DNM3: variants seen among roughly 807,000 people sequenced by gnomAD.
DNM3 encodes dynamin 3.
Under a neutral mutation model 101.6 loss-of-function variants are expected in DNM3, and 47 were observed. The observed-to-expected ratio is 0.46, with a 90% CI of 0.37 to 0.59. The LOEUF (loss-of-function observed/expected upper bound fraction) is 0.59, where lower values mean the gene tolerates loss of function less well. DNM3 is among the 20% of genes least tolerant of loss of function. DNM3 has a pLI of 0.00. For missense variants in DNM3, 849 were observed against 1,085.7 expected (o/e 0.78, Z 3.06); for synonymous variants, 385 against 387.9 (o/e 0.99, Z 0.09).
chr1:172,096,201 T>A (rs534963348), intron 13 of DNM3, among the ~76,000 whole-genome samples: 4 of 152,362 alleles, frequency 2.6e-5, no homozygotes, highest in Non-Finnish European at 4.4e-5. Context: ...ATCTATTACA[T>A]TTTATTATTT....
intron 1 of DNM3, among the ~76,000 whole-genome samples, chr1:171,916,175 G>A (rs1160245939): frequency 6.6e-6 from 1 of 152,200 alleles, no homozygotes; most frequent in Non-Finnish European, 1.5e-5. Context: ...AGATGCTAGA[G>A]TTAGACTCCC....
At chr1:171,984,332 A>G (rs141076720) in intron 2 of DNM3, among the ~76,000 whole-genome samples, 1 of 152,258 alleles carries the variant, frequency 6.6e-6, no homozygotes, top group African/African-American at 2.4e-5. Context: ...CAAAGTCCTT[A>G]AAATGGTCCA....
intron 14 of DNM3, among the ~76,000 whole-genome samples, chr1:172,149,725 C>G (rs527392287): frequency 6.6e-6 from 1 of 152,074 alleles, no homozygotes; most frequent in Non-Finnish European, 1.5e-5. Flanking sequence ...TTTGGCATCA[C>G]CAGTATTTTA....
chr1:172,140,137 A>G (rs1194347885), intron 14 of DNM3: 3 of 152,056 alleles, frequency 2.0e-5, no homozygotes, highest in African/African-American at 7.2e-5. Flanking sequence ...ACTTAATGGA[A>G]AGCAAAATAG....
At chr1:171,926,237 C>A (rs2040562587) in intron 2 of DNM3, among the ~76,000 whole-genome samples, 1 of 151,782 alleles carries the variant, frequency 6.6e-6, no homozygotes, top group South Asian at 2.2e-4. Flanking sequence ...ATTGTTTTTT[C>A]TAATTCTGTG....
chr1:172,146,527 C>T (rs2057909044), intron 14 of DNM3, among the ~76,000 whole-genome samples: 1 of 152,098 alleles, frequency 6.6e-6, no homozygotes, highest in Non-Finnish European at 1.5e-5. Flanking sequence ...TTCAATAGTG[C>T]TTGCACAAGC....
chr1:172,156,443 T>C (rs2058342590), intron 14 of DNM3, among the ~76,000 whole-genome samples: 1 of 152,094 alleles, frequency 6.6e-6, no homozygotes, highest in South Asian at 2.1e-4. Flanking sequence ...TAGTTTTGAG[T>C]ACCTAGACTT....
At chr1:172,307,105 A>T (rs933620413) in intron 15 of DNM3, among the ~76,000 whole-genome samples, 3 of 152,240 alleles carry the variant, frequency 2.0e-5, no homozygotes, top group South Asian at 2.1e-4. Flanking sequence ...ACAGAGTGGG[A>T]GAAAAATTTT....
chr1:172,387,501 TA>T (rs1247483113), intron 19 of DNM3, 142 bp downstream of exon 19: 40 of 694,180 alleles, frequency 5.8e-5, no homozygotes, highest in Admixed American at 9.0e-5. Context: ...ACTAAAAACA[TA>T]AAAAAAATTA....
At chr1:172,222,907 C>G (rs1238741277) in intron 14 of DNM3, among the ~76,000 whole-genome samples, 1 of 152,034 alleles carries the variant, frequency 6.6e-6, no homozygotes, top group Non-Finnish European at 1.5e-5. Flanking sequence ...TTGTCCTTCT[C>G]TATTATCAGT....
chr1:171,928,592 C>G (rs1211931471), intron 2 of DNM3, among the ~76,000 whole-genome samples: 1 of 152,096 alleles, frequency 6.6e-6, no homozygotes, highest in Non-Finnish European at 1.5e-5. Flanking sequence ...CTCCTTAGGT[C>G]AACTGCAGCT....
At chr1:171,900,245 G>A (rs1429876279) in intron 1 of DNM3, among the ~76,000 whole-genome samples, 3 of 152,172 alleles carry the variant, frequency 2.0e-5, no homozygotes, top group Non-Finnish European at 4.4e-5. Flanking sequence ...CGATGCGTTT[G>A]GGGTACTTGT....
chr1:172,308,891 A>G lies in DNM3; in HGVS notation c.1881+52A>G. On this transcript the variant is annotated intron_variant, in intron 16 of 20. Coordinates refer to ENST00000627582, the MANE Select transcript of DNM3 (RefSeq NM_015569.5). ...AAATTATTATTAGCTATGCTTAAGA[A>G]AATATTAATCCTACATACCATAAGC... 4 of 1,093,038 alleles carry G rather than the reference A, an allele frequency of 3.7e-6. No homozygotes were observed. In the Admixed American group the frequency reaches 6.5e-5, roughly 18 times the overall value. The allele number at this position is 1,093,038 out of a possible 1,614,324, so 67.7% of individuals were successfully genotyped here. A position where few individuals can be genotyped will look rare whatever the true frequency, so the allele number is the denominator to read the frequency against.
intron 15 of DNM3, among the ~76,000 whole-genome samples, chr1:172,304,270 A>G (rs1481631553): frequency 6.7e-6 from 1 of 149,768 alleles, no homozygotes; most frequent in Admixed American, 6.6e-5. Flanking sequence ...TAAACCAACA[A>G]AGATCAAAAG....
rs1390568752 is a variant in DNM3, at chr1:172,107,225, AAATGCCACC to A, written c.1545+14353_1545+14361del. 2.0e-5 allele frequency among the ~76,000 whole-genome samples: 3 copies of A among 152,326 alleles called. No individual in the cohort carries two copies. The East Asian group carries it at 5.8e-4, about 29-fold the overall frequency. On this transcript the variant is annotated intron_variant, in intron 13 of 20. Transcript: ENST00000627582. ...ACTATTAAAATCCCTGTTGAAAGAG[AAATGCCACC>A]AAAATTAGGGAGAAAAAAATACTGT...
chr1:172,188,197 A>T (rs1310457053), intron 14 of DNM3, among the ~76,000 whole-genome samples: 1 of 152,084 alleles, frequency 6.6e-6, no homozygotes, highest in Non-Finnish European at 1.5e-5. Flanking sequence ...GGCAATTCTG[A>T]TATTACTCCT....
rs894799386 is a variant in DNM3 at position 172,302,225 on chromosome 1, G to A, written c.1770-6503G>A. ...GGCACACCAGGAGATTATATCCCAC[G>A]CCTGGCTCAGCAGGTCCCACACCCA... On this transcript the variant is annotated intron_variant, in intron 15 of 20. Coordinates refer to ENST00000627582, the MANE Select transcript of DNM3 (RefSeq NM_015569.5). 3.3e-5 allele frequency among the ~76,000 whole-genome samples: 5 copies of A among 152,192 alleles called. No homozygotes were observed. The South Asian group carries it at 8.3e-4, about 25-fold the overall frequency.
intron 2 of DNM3, among the ~76,000 whole-genome samples, chr1:171,952,518 C>A (rs1385098429): frequency 2.0e-5 from 3 of 152,058 alleles, no homozygotes; most frequent in Non-Finnish European, 4.4e-5. Flanking sequence ...GTCCAACCTC[C>A]CTTTCCATCA....
intron 12 of DNM3, among the ~76,000 whole-genome samples, chr1:172,088,060 G>T (rs2053653613): frequency 6.6e-6 from 1 of 152,128 alleles, no homozygotes; most frequent in African/African-American, 2.4e-5. Flanking sequence ...AAATAACCCT[G>T]GCATCAAAAC....
Sources: gnomAD v4.1 joint callset for allele counts (sites outside exome capture counted in the v4.1 genomes callset) on GRCh38, gnomAD v4.1.1 for gene constraint, MANE v1.5 for transcripts, NCBI Gene and HGNC (gene_info 2026-07-23, HGNC 2026-07-21) for gene names.